Variants in HECW1 observed in about 807,000 individuals in gnomAD.
HECW1 encodes HECT, C2 and WW domain containing E3 ubiquitin protein ligase 1.
HECW1 carries 61 observed loss-of-function variants against 182.3 expected under a neutral mutation model. The ratio of observed to expected loss-of-function variants is 0.33; its 90% CI spans 0.27 to 0.41. The LOEUF is 0.41. Ranked by LOEUF, HECW1 falls within the 10% of genes least tolerant of loss-of-function variation. The pLI is 1.00. For missense variants in HECW1, 1,739 were observed against 2,108.9 expected (o/e 0.82, Z 3.44); for synonymous variants, 859 against 832.6 (o/e 1.03, Z -0.55).
At chr7:43,247,985 GGAA>G (rs1799598351) in intron 3 of HECW1, among the ~76,000 whole-genome samples, 14 of 137,766 alleles carry the variant, frequency 1.0e-4, no homozygotes, top group Middle Eastern at 4.1e-3. Context: ...AAAGAAGGAA[GGAA>G]GAAGGAAGGA....
rs759900337 is a variant in HECW1, at chr7:43,561,851, G to A, written c.4746G>A (p.Pro1582=). The change falls in exon 30 of 30, where the codon CCG becomes CCA. Residue 1582 remains proline (P), a synonymous_variant. Coordinates refer to ENST00000395891, the MANE Select transcript of HECW1 (RefSeq NM_015052.5). Reference sequence around the variant, plus strand: ...GCTTCAACCGACTGGATCTTCCACCGTATCCCTCGTACTCCATGTTGTATG... The same window carrying A: ...GCTTCAACCGACTGGATCTTCCACCATATCCCTCGTACTCCATGTTGTATG... ...HTCFNRLDLP[P]YPSYSMLYEK... The A allele has an allele frequency of 2.0e-5, 32 of 1,613,566 alleles. No homozygotes were observed. The highest frequency in any genetic ancestry group is 4.5e-5 in the East Asian group (2 of 44,882).
intron 2 of HECW1, among the ~76,000 whole-genome samples, chr7:43,119,817 CA>C: frequency 6.6e-6 from 1 of 152,158 alleles, no homozygotes; most frequent in East Asian, 1.9e-4. Flanking sequence ...ATCCAGCTTT[CA>C]ATAAATCTCT....
intron 2 of HECW1, among the ~76,000 whole-genome samples, chr7:43,137,353 A>C (rs1033143954): frequency 1.3e-5 from 2 of 152,082 alleles, no homozygotes; most frequent in African/African-American, 4.8e-5. Flanking sequence ...CCATGATTAA[A>C]TGGTCTAGAC....
chr7:43,454,165 A>AC (rs1482696717), intron 12 of HECW1, among the ~76,000 whole-genome samples: 1 of 152,136 alleles, frequency 6.6e-6, no homozygotes, highest in Non-Finnish European at 1.5e-5. Flanking sequence ...TCTGCGAAGG[A>AC]CCCCTTTCTT....
chr7:43,438,282 T>A, intron 9 of HECW1, 137 bp downstream of exon 9: 1 of 702,560 alleles, frequency 1.4e-6, no homozygotes, highest in Non-Finnish European at 2.3e-6. Context: ...TTTTTCCTAC[T>A]AATTATGTTG....
At chr7:43,222,523 G>C (rs756367521) in intron 2 of HECW1, among the ~76,000 whole-genome samples, 1 of 152,202 alleles carries the variant, frequency 6.6e-6, no homozygotes, top group Non-Finnish European at 1.5e-5. Flanking sequence ...CACAAGAAAT[G>C]TACAATGCAT....
intron 18 of HECW1, among the ~76,000 whole-genome samples, 186 bp downstream of exon 18, chr7:43,492,366 C>A (rs969234624): frequency 2.6e-5 from 4 of 152,148 alleles, no homozygotes; most frequent in Non-Finnish European, 4.4e-5. Flanking sequence ...TGTCCTTTTC[C>A]CCTCTCCCTT....
At chr7:43,469,888 C>T (rs1055942129) in intron 16 of HECW1, among the ~76,000 whole-genome samples, 27 of 152,204 alleles carry the variant, frequency 1.8e-4, no homozygotes, top group African/African-American at 6.0e-4. Context: ...CCTCTGTGAA[C>T]ATGGGCCTGC....
chr7:43,443,178 C>T (rs1175143665), intron 10 of HECW1, among the ~76,000 whole-genome samples: 5 of 152,194 alleles, frequency 3.3e-5, no homozygotes, highest in African/African-American at 1.2e-4. Context: ...TAAGATGCCT[C>T]ATAATTTTAT....
intron 5 of HECW1, among the ~76,000 whole-genome samples, chr7:43,354,103 AG>A (rs1814791996): frequency 6.6e-6 from 1 of 151,770 alleles, no homozygotes; most frequent in South Asian, 2.1e-4. Context: ...GTCAAAAAGG[AG>A]GCAATTATTT....
chr7:43,227,283 G>C (rs946863794), intron 2 of HECW1, among the ~76,000 whole-genome samples: 1 of 151,624 alleles, frequency 6.6e-6, no homozygotes, highest in Admixed American at 6.6e-5. Flanking sequence ...GAGAACAAAT[G>C]GTCATTTTTT....
At chr7:43,259,631 A>T (rs1800961638) in intron 3 of HECW1, among the ~76,000 whole-genome samples, 1 of 152,202 alleles carries the variant, frequency 6.6e-6, no homozygotes, top group African/African-American at 2.4e-5. Flanking sequence ...GGGAGCCATA[A>T]AAAAGAAACA....
At chr7:43,548,321 T>G (rs2081651073) in intron 26 of HECW1, among the ~76,000 whole-genome samples, 1 of 152,172 alleles carries the variant, frequency 6.6e-6, no homozygotes, top group Non-Finnish European at 1.5e-5. Context: ...CAAATTGTTG[T>G]AAGTCTCCAA....
intron 4 of HECW1, among the ~76,000 whole-genome samples, chr7:43,315,983 C>T (rs1296445595): frequency 6.6e-6 from 1 of 152,122 alleles, no homozygotes; most frequent in Non-Finnish European, 1.5e-5. Flanking sequence ...GGCTCACTTG[C>T]TCATTCCACT....
At chr7:43,275,708 G>GCGCGCA (rs1554336998) in intron 3 of HECW1, among the ~76,000 whole-genome samples, 2 of 146,100 alleles carry the variant, frequency 1.4e-5, no homozygotes, top group African/African-American at 5.1e-5. Context: ...TTATGCGCAC[G>GCGCGCA]CACACACACA....
At chr7:43,384,170 A>T (rs1459076195) in intron 6 of HECW1, among the ~76,000 whole-genome samples, 2 of 152,220 alleles carry the variant, frequency 1.3e-5, no homozygotes, top group East Asian at 3.8e-4. Context: ...CATGTTGTTC[A>T]AGAGTCAACT....
intron 2 of HECW1, among the ~76,000 whole-genome samples, chr7:43,233,871 T>C (rs536308191): frequency 6.6e-6 from 1 of 152,262 alleles, no homozygotes; most frequent in African/African-American, 2.4e-5. Context: ...ATGGGCATAA[T>C]AGAAGCTGTG....
chr7:43,209,840 T>C (rs1415361981), intron 2 of HECW1, among the ~76,000 whole-genome samples: 1 of 152,124 alleles, frequency 6.6e-6, no homozygotes, highest in Non-Finnish European at 1.5e-5. Context: ...GGAGCATTAA[T>C]AGAGCAAATC....
chr7:43,177,299 T>A (rs1458915314), intron 2 of HECW1, among the ~76,000 whole-genome samples: 1 of 152,150 alleles, frequency 6.6e-6, no homozygotes, highest in Admixed American at 6.5e-5. Context: ...TTCTCTCTGA[T>A]CATTGGTGGT....
Sources: gnomAD v4.1 joint callset for allele counts (sites outside exome capture counted in the v4.1 genomes callset) on GRCh38, gnomAD v4.1.1 for gene constraint, MANE v1.5 for transcripts, NCBI Gene and HGNC (gene_info 2026-07-23, HGNC 2026-07-21) for gene names.